Variants in VGLL3 observed in about 807,000 individuals in gnomAD.
The protein encoded by VGLL3 is transcription cofactor vestigial-like protein 3.
Under a neutral mutation model 29.2 loss-of-function variants are expected in VGLL3, and 18 were observed. The ratio of observed to expected loss-of-function variants is 0.62; its 90% CI spans 0.43 to 0.91. The LOEUF is 0.91. Among genes scored for constraint, VGLL3 ranks in the 40% least tolerant of loss-of-function variants. The pLI is 0.00. For synonymous variants in VGLL3, 180 were observed against 151.8 expected (o/e 1.19, Z -1.36); for missense variants, 440 against 413.2 (o/e 1.06, Z -0.56).
Position 86,991,042 on chromosome 3 carries a change from G to T in VGLL3, c.-299C>A. On this transcript the variant is annotated 5_prime_UTR_variant, in exon 1 of 4. Coordinates refer to ENST00000398399, the MANE Select transcript of VGLL3 (RefSeq NM_016206.4). Reference sequence around the variant, plus strand: ...CCCGCTGCGCCGCTGGGGCATTACCGCGTCCGGCTCCCGCGAGGGCTGCGG... The same window carrying T: ...CCCGCTGCGCCGCTGGGGCATTACCTCGTCCGGCTCCCGCGAGGGCTGCGG... 1 of 672,922 alleles carries T rather than the reference G, an allele frequency of 1.5e-6. No homozygotes were observed. Among genetic ancestry groups the T allele is most frequent in the Non-Finnish European group, 1.8e-6 (1 of 540,770 alleles). 41.7% of individuals were successfully genotyped at this position (672,922 alleles called of 1,614,324 possible). A position where few individuals can be genotyped will look rare whatever the true frequency, so the allele number is the denominator to read the frequency against.
rs1704333881 is a variant in VGLL3 at position 86,938,961 on chromosome 3, A to C, written c.*8063T>G. On this transcript the variant is annotated 3_prime_UTR_variant, in exon 4 of 4. Transcript: ENST00000398399. ...CTACTTGGTTGTCCCCAGAGAAAAC[A>C]CACTTCAGCTAGGAAGAATCTGCAC... The C allele has an allele frequency of 6.6e-6, 1 of 152,238 alleles. No homozygotes were observed. Among genetic ancestry groups the C allele is most frequent in the South Asian group, 2.1e-4 (1 of 4,830 alleles). 9.4% of individuals were successfully genotyped at this position (152,238 alleles called of 1,614,324 possible). A position where few individuals can be genotyped will look rare whatever the true frequency, so the allele number is the denominator to read the frequency against.
chr3:86,988,772 G>A (rs952013532), intron 1 of VGLL3, among the ~76,000 whole-genome samples: 5 of 122,220 alleles, frequency 4.1e-5, no homozygotes, highest in African/African-American at 1.4e-4. Context: ...CTAACATCTA[G>A]TTAAGCAATG....
At chr3:86,976,580 A>G (rs1233027211) in intron 2 of VGLL3, among the ~76,000 whole-genome samples, 3 of 152,230 alleles carry the variant, frequency 2.0e-5, no homozygotes, top group Non-Finnish European at 4.4e-5. Context: ...TTATGAAAAC[A>G]TTGCCTTTAT....
At chr3:86,959,469 C>T (rs1466591564) in intron 3 of VGLL3, among the ~76,000 whole-genome samples, 4 of 152,070 alleles carry the variant, frequency 2.6e-5, no homozygotes, top group Middle Eastern at 3.2e-3. Flanking sequence ...TTTAGTTGAG[C>T]ATCTACAATA....
chr3:86,963,601 A>C (rs774811213), intron 3 of VGLL3, among the ~76,000 whole-genome samples: 4 of 152,192 alleles, frequency 2.6e-5, no homozygotes, highest in Non-Finnish European at 4.4e-5. Context: ...CTAAATAATA[A>C]ATTTTTAGAA....
At chr3:86,968,229 T>C (rs1458683569) in intron 3 of VGLL3, among the ~76,000 whole-genome samples, 1 of 152,220 alleles carries the variant, frequency 6.6e-6, no homozygotes, top group East Asian at 1.9e-4. Context: ...ATTACTGAAG[T>C]GCACCATTTC....
In VGLL3 at chr3:86,960,620, G is replaced by T. The variant is rs189453369; in HGVS notation, c.937+7970C>A. On this transcript the variant is annotated intron_variant, in intron 3 of 3. Transcript: ENST00000398399. Reference sequence around the variant, plus strand: ...AGTAATTTGTGGACTAGTAGCTATTGTAGTTTTGTTCCCTCTGTCTGGCAA... The same window carrying T: ...AGTAATTTGTGGACTAGTAGCTATTTTAGTTTTGTTCCCTCTGTCTGGCAA... Among the ~76,000 whole-genome samples, 407 of 152,216 alleles carry T rather than the reference G, an allele frequency of 2.7e-3. 2 individuals carry two copies. The highest frequency in any genetic ancestry group is 3.0e-3 in the Non-Finnish European group (206 of 67,970).
intron 3 of VGLL3, among the ~76,000 whole-genome samples, chr3:86,958,082 CT>C (rs918819205): frequency 4.9e-4 from 74 of 152,180 alleles, no homozygotes; most frequent in African/African-American, 1.7e-3. Flanking sequence ...TTTTCTTGAG[CT>C]TTTCTTTTTC....
At position 86,942,067 on chromosome 3, in the gene VGLL3, T is replaced by C. The variant is rs930722821; in HGVS notation, c.*4957A>G. The C allele has an allele frequency of 2.6e-5, 4 of 152,192 alleles. No homozygotes were observed. Among genetic ancestry groups the C allele is most frequent in the South Asian group, 4.1e-4 (2 of 4,828 alleles). The allele number at this position is 152,192 out of a possible 1,614,324, so 9.4% of individuals were successfully genotyped here. ...AATAACAGTTTCAATGCTTTAATAA[T>C]AGATTTAAAGGGCACTTTGGCCTTT... is the stretch of plus-strand genomic sequence containing the variant. On this transcript the variant is annotated 3_prime_UTR_variant, in exon 4 of 4. Transcript: ENST00000398399.
intron 2 of VGLL3, among the ~76,000 whole-genome samples, chr3:86,976,809 G>A (rs1239336536): frequency 6.6e-6 from 1 of 152,156 alleles, no homozygotes; most frequent in Non-Finnish European, 1.5e-5. Flanking sequence ...TAGCAAGGTT[G>A]CATATGCCCA....
At chr3:86,986,403 G>C (rs1705442348) in intron 1 of VGLL3, among the ~76,000 whole-genome samples, 1 of 152,062 alleles carries the variant, frequency 6.6e-6, no homozygotes, top group African/African-American at 2.4e-5. Flanking sequence ...CCAGAGATAA[G>C]AGTTCAATTA....
At position 86,939,031 on chromosome 3, in the gene VGLL3, G is replaced by GT. The variant is rs1469993650; in HGVS notation, c.*7992dup. The GT allele has an allele frequency of 6.6e-6, 1 of 152,146 alleles. No individual in the cohort carries two copies. Among genetic ancestry groups the GT allele is most frequent in the African/African-American group, 2.4e-5 (1 of 41,432 alleles). The allele number at this position is 152,146 out of a possible 1,614,324, so 9.4% of individuals were successfully genotyped here. The stretch of plus-strand genomic sequence containing the variant: ...CCCCTAGACTGCTCATCTTACATAA[G>GT]TAACACATAACCCTTTGGATTCTGA... On this transcript the variant is annotated 3_prime_UTR_variant, in exon 4 of 4. Coordinates refer to ENST00000398399, the MANE Select transcript of VGLL3 (RefSeq NM_016206.4).
Position 86,942,640 on chromosome 3 carries a change from C to T in VGLL3, c.*4384G>A, listed in dbSNP as rs984806716. On this transcript the variant is annotated 3_prime_UTR_variant, in exon 4 of 4. Coordinates refer to ENST00000398399, the MANE Select transcript of VGLL3 (RefSeq NM_016206.4). ...GACACTGTCCTCATAATTTTGGACA[C>T]AGTAATTTAAATAAAATTTTGGAAC... 43 of 152,100 alleles carry T rather than the reference C, an allele frequency of 2.8e-4. No homozygotes were observed. Among genetic ancestry groups the T allele is most frequent in the African/African-American group, 1.0e-3 (43 of 41,416 alleles). 9.4% of individuals were successfully genotyped at this position (152,100 alleles called of 1,614,324 possible).
chr3:86,951,355 G>A (rs187057674), intron 3 of VGLL3, among the ~76,000 whole-genome samples: 6 of 152,266 alleles, frequency 3.9e-5, no homozygotes, highest in Admixed American at 1.3e-4. Context: ...CACAGAGAGT[G>A]CCTTCTACTG....
At chr3:86,957,429 C>G (rs535676981) in intron 3 of VGLL3, among the ~76,000 whole-genome samples, 1 of 152,268 alleles carries the variant, frequency 6.6e-6, no homozygotes, top group Non-Finnish European at 1.5e-5. Flanking sequence ...AATTTTTTGT[C>G]GTAATGAACC....
rs763174391 is a variant in VGLL3 at position 86,968,927 on chromosome 3, G to A, written c.600C>T (p.Pro200=). Residue 200 remains proline, a synonymous_variant, in exon 3 of 4, where the codon CCC becomes CCT. Transcript: ENST00000398399. The part of the protein sequence containing the change: ...HNLHQTGPAP[P]PAVSESWPYP... ...AAGGCCAGGACTCAGACACAGCAGG[G>A]GGAGGGGCTGGGCCAGTCTGATGCA... 1.9e-6 allele frequency: 3 copies of A among 1,614,180 alleles called. No homozygotes were observed. The highest frequency in any genetic ancestry group is 3.3e-5 in the Admixed American group (2 of 60,026).
chr3:86,944,670 G>A lies in VGLL3; in HGVS notation c.*2354C>T, dbSNP rs541563459. On this transcript the variant is annotated 3_prime_UTR_variant, in exon 4 of 4. Transcript: ENST00000398399. ...TAAACTTTTTGTCTGACAGTTACCGGGAGAACACAGAGCAAAGTCTAAATT... is the reference window on the plus strand; with the variant it reads ...TAAACTTTTTGTCTGACAGTTACCGAGAGAACACAGAGCAAAGTCTAAATT... The A allele has an allele frequency of 9.5e-4, 145 of 152,120 alleles. 1 individual carries two copies. The highest frequency in any genetic ancestry group is 1.0e-3 in the Admixed American group (16 of 15,262). The allele number at this position is 152,120 out of a possible 1,614,324, so 9.4% of individuals were successfully genotyped here.
At chr3:86,990,378 C>G in intron 1 of VGLL3, 1 of 985,390 alleles carries the variant, frequency 1.0e-6, no homozygotes, top group Non-Finnish European at 1.2e-6. Context: ...GGAGCAGCCT[C>G]TGAGCTCCGG....
At chr3:86,959,698 G>C (rs1704799312) in intron 3 of VGLL3, among the ~76,000 whole-genome samples, 2 of 151,934 alleles carry the variant, frequency 1.3e-5, no homozygotes, top group African/African-American at 2.4e-5. Flanking sequence ...AATGTAACTG[G>C]GTATTGTAGA....
Sources: allele counts gnomAD v4.1 joint callset (sites outside exome capture counted in the v4.1 genomes callset), GRCh38; gene constraint gnomAD v4.1.1; transcripts MANE v1.5; gene names NCBI Gene and HGNC (gene_info 2026-07-23, HGNC 2026-07-21).